The following FARP1 variants were observed in gnomAD, a reference collection of about 807,000 sequenced individuals.
The protein encoded by FARP1 is FERM, ARH/RhoGEF and pleckstrin domain protein 1, also known as FERM, ARHGEF and pleckstrin domain-containing protein 1.
Under a neutral mutation model 128.8 loss-of-function variants are expected in FARP1, and 52 were observed. The observed-to-expected ratio is 0.40, with a 90% confidence interval of 0.32 to 0.51. The LOEUF (loss-of-function observed/expected upper bound fraction) is 0.51, where lower values mean the gene tolerates loss of function less well. FARP1 is among the 20% of genes least tolerant of loss of function. FARP1 has a pLI of 0.45. For synonymous variants in FARP1, 580 were observed against 551.8 expected, an observed-to-expected ratio of 1.05 and a Z score of -0.72; for missense variants, 1,333 against 1,367.9, an observed-to-expected ratio of 0.97 and a Z score of 0.40.
chr13:98,225,927 C>T (rs767187484), intron 2 of FARP1, among the ~76,000 whole-genome samples: 38 of 152,326 alleles, frequency 2.5e-4, no homozygotes, highest in Admixed American at 4.6e-4. Flanking sequence ...CACATGCACT[C>T]TTGGGGAGGT....
At chr13:98,393,470 A>G (rs1307553527) in intron 11 of FARP1, among the ~76,000 whole-genome samples, 173 bp from the exon 12 acceptor site, 1 of 152,230 alleles carries the variant, frequency 6.6e-6, no homozygotes, top group Non-Finnish European at 1.5e-5. Context: ...AAGTGCTATC[A>G]AAGGATGACT....
rs530186046 is a variant in FARP1 at position 98,398,422 on chromosome 13, C to A, written c.1414+2946C>A. The A allele has an allele frequency of 2.0e-5, 3 of 152,318 alleles. No individual in the cohort carries two copies. In the East Asian group the frequency reaches 5.8e-4, roughly 29 times the overall value. The allele number at this position is 152,318 out of a possible 1,614,324, so 9.4% of individuals were successfully genotyped here. A position where few individuals can be genotyped will look rare whatever the true frequency, so the allele number is the denominator to read the frequency against. ...CATTTCTTCTGAAAAAGTTAAGTGACTTTGCATAACTAATACAGCTATTGC... is the reference window on the plus strand; with the variant it reads ...CATTTCTTCTGAAAAAGTTAAGTGAATTTGCATAACTAATACAGCTATTGC... On this transcript the variant is annotated intron_variant, in intron 13 of 26. Transcript: ENST00000319562.
At chr13:98,189,737 T>C (rs1228291789) in intron 1 of FARP1, among the ~76,000 whole-genome samples, 1 of 152,222 alleles carries the variant, frequency 6.6e-6, no homozygotes, top group Non-Finnish European at 1.5e-5. Context: ...TGAGGCATAA[T>C]GTAATAAATC....
intron 17 of FARP1, 26 bp from the exon 18 acceptor site, chr13:98,431,017 A>T (rs777719440): frequency 2.0e-6 from 3 of 1,520,906 alleles, no homozygotes; most frequent in African/African-American, 1.4e-5. Context: ...GCTGAACAGG[A>T]CCCTCCTCCT....
intron 2 of FARP1, among the ~76,000 whole-genome samples, chr13:98,281,212 G>C (rs1306308999): frequency 6.6e-6 from 1 of 152,100 alleles, no homozygotes; most frequent in African/African-American, 2.4e-5. Flanking sequence ...AATTAGCTGG[G>C]TGTGGTGGCA....
chr13:98,244,514 C>G (rs1175008928), intron 2 of FARP1: 2 of 1,614,068 alleles, frequency 1.2e-6, no homozygotes, highest in African/African-American at 1.3e-5. Flanking sequence ...CCTCCTTCCT[C>G]AAAGCCACCG....
intron 2 of FARP1, among the ~76,000 whole-genome samples, chr13:98,300,604 C>T (rs2139697401): frequency 6.6e-6 from 1 of 152,322 alleles, no homozygotes; most frequent in Admixed American, 6.5e-5. Context: ...CCGGTGGCTT[C>T]ATCAGCTCTT....
chr13:98,453,246 C>A lies in FARP1; in HGVS notation c.*4929C>A, dbSNP rs1256758728. ...GAGAGAGAGAGAAGTCAACACATGT[C>A]ATTTCTCATCCCTGTGCAAAAATTC... is the stretch of plus-strand genomic sequence containing the variant. On this transcript the variant is annotated 3_prime_UTR_variant, in exon 27 of 27. Coordinates refer to ENST00000319562, the MANE Select transcript of FARP1 (RefSeq NM_005766.4). The A allele has an allele frequency of 6.2e-7, 1 of 1,601,456 alleles. No individual in the cohort carries two copies. Among genetic ancestry groups the A allele is most frequent in the Non-Finnish European group, 8.5e-7 (1 of 1,174,012 alleles).
chr13:98,272,272 C>T (rs755923717), intron 2 of FARP1, among the ~76,000 whole-genome samples: 7 of 152,202 alleles, frequency 4.6e-5, no homozygotes, highest in East Asian at 3.9e-4. Context: ...TCAGGTGATC[C>T]GCCCACCTCA....
chr13:98,383,255 G>A (rs1417458200), intron 6 of FARP1, among the ~76,000 whole-genome samples: 1 of 152,208 alleles, frequency 6.6e-6, no homozygotes. Flanking sequence ...AACGATGGCA[G>A]TATGACCAGG....
chr13:98,293,573 C>T (rs533143667), intron 2 of FARP1, among the ~76,000 whole-genome samples: 19 of 152,242 alleles, frequency 1.2e-4, no homozygotes, highest in African/African-American at 4.6e-4. Context: ...AAGCAGGCTG[C>T]AAATGGCACA....
chr13:98,429,842 G>A (rs1891943023), intron 17 of FARP1, among the ~76,000 whole-genome samples: 1 of 152,170 alleles, frequency 6.6e-6, no homozygotes, highest in African/African-American at 2.4e-5. Context: ...ACTACCATAG[G>A]CTTTTCTACA....
At chr13:98,280,908 A>T (rs1884904571) in intron 2 of FARP1, among the ~76,000 whole-genome samples, 1 of 152,208 alleles carries the variant, frequency 6.6e-6, no homozygotes, top group Admixed American at 6.5e-5. Context: ...ACAGAGAGGG[A>T]TGTTTTTGTT....
rs34250002 is a variant in FARP1 at position 98,151,660 on chromosome 13, CTTT to C, written c.-24+8185_-24+8187del. Among the ~76,000 whole-genome samples, 7 of 69,224 alleles carry C rather than the reference CTTT, an allele frequency of 1.0e-4. No individual in the cohort carries two copies. In the South Asian group the frequency reaches 2.6e-3, roughly 26 times the overall value. 45.4% of individuals were successfully genotyped at this position (69,224 alleles called of 152,430 possible). ...AAACCTGCCCTTATATATCTTCCATCTTTTTTTTTTTTTTTTTTTGAGACGGAG... is the reference window on the plus strand; with the variant it reads ...AAACCTGCCCTTATATATCTTCCATCTTTTTTTTTTTTTTTTGAGACGGAG... On this transcript the variant is annotated intron_variant, in intron 1 of 26. Transcript: ENST00000319562.
intron 2 of FARP1, among the ~76,000 whole-genome samples, chr13:98,309,475 C>A (rs535134965): frequency 2.0e-4 from 30 of 152,040 alleles, no homozygotes; most frequent in Non-Finnish European, 3.7e-4. Context: ...GGCCAAGAGG[C>A]CTTTTTTTAA....
chr13:98,431,232 C>T lies in FARP1; in HGVS notation c.2095C>T (p.Leu699=). Residue 699 remains leucine (L), a synonymous_variant, in exon 18 of 27, where the codon CTG becomes TTG. Transcript: ENST00000319562. ...LMHYKQVLER[L]CKHHPPSHAD... ...GCACTACAAGCAGGTCCTGGAGCGG[C>T]TGTGCAAACACCACCCGCCGAGCCA... 2 of 1,586,884 alleles carry T rather than the reference C, an allele frequency of 1.3e-6. No homozygotes were observed. Among genetic ancestry groups the T allele is most frequent in the Non-Finnish European group, 1.7e-6 (2 of 1,167,108 alleles).
At chr13:98,188,185 C>T (rs971003525) in intron 1 of FARP1, among the ~76,000 whole-genome samples, 1 of 152,120 alleles carries the variant, frequency 6.6e-6, no homozygotes, top group Non-Finnish European at 1.5e-5. Flanking sequence ...GCAGCACCCA[C>T]GTGGGCCTCT....
chr13:98,291,323 C>A (rs1214755942), intron 2 of FARP1, among the ~76,000 whole-genome samples: 2 of 152,118 alleles, frequency 1.3e-5, no homozygotes, highest in Admixed American at 6.5e-5. Flanking sequence ...TCCTCATCGT[C>A]TTCATGTTGA....
chr13:98,361,204 C>T (rs1888859093), intron 3 of FARP1, among the ~76,000 whole-genome samples: 1 of 152,188 alleles, frequency 6.6e-6, no homozygotes, highest in Non-Finnish European at 1.5e-5. Context: ...CGCTGGGAAA[C>T]AGATAGGTCC....
Sources: allele counts gnomAD v4.1 joint callset (sites outside exome capture counted in the v4.1 genomes callset), GRCh38; gene constraint gnomAD v4.1.1; transcripts MANE v1.5; gene names NCBI Gene and HGNC (gene_info 2026-07-23, HGNC 2026-07-21).